Variants in CEP70 observed in about 807,000 individuals in gnomAD.
CEP70 encodes centrosomal protein 70.
In CEP70, 70 loss-of-function variants were observed where a neutral mutation model predicts 90.9. The ratio of observed to expected loss-of-function variants is 0.77; its 90% CI spans 0.64 to 0.94. The LOEUF is 0.94. CEP70 is among the 40% of genes least tolerant of loss of function. CEP70 has a pLI of 0.00. For missense variants in CEP70, 648 were observed against 669.0 expected (o/e 0.97, Z 0.35); for synonymous variants, 220 against 228.3 (o/e 0.96, Z 0.33).
intron 8 of CEP70, among the ~76,000 whole-genome samples, chr3:138,529,784 G>A (rs931585568): frequency 3.9e-5 from 6 of 152,078 alleles, no homozygotes; most frequent in Non-Finnish European, 8.8e-5. Flanking sequence ...ATAAACAAAC[G>A]AAACATAGGT....
At chr3:138,510,566 G>A (rs887462373) in intron 11 of CEP70, among the ~76,000 whole-genome samples, 6 of 152,174 alleles carry the variant, frequency 3.9e-5, no homozygotes, top group African/African-American at 1.4e-4. Flanking sequence ...TGACATGATG[G>A]AGTTTTACTA....
intron 11 of CEP70, among the ~76,000 whole-genome samples, chr3:138,521,985 C>G (rs1307914216): frequency 6.6e-6 from 1 of 152,124 alleles, no homozygotes; most frequent in African/African-American, 2.4e-5. Context: ...TAACCTTACC[C>G]CCAACCCCTT....
intron 6 of CEP70, among the ~76,000 whole-genome samples, chr3:138,551,406 C>T (rs936958746): frequency 5.9e-5 from 9 of 152,078 alleles, no homozygotes; most frequent in African/African-American, 1.7e-4. Context: ...AAAACAGAAC[C>T]TTTTCAAAGC....
chr3:138,568,221 C>T (rs568909655), intron 6 of CEP70, among the ~76,000 whole-genome samples: 18 of 152,232 alleles, frequency 1.2e-4, no homozygotes, highest in Admixed American at 9.8e-4. Flanking sequence ...GAACAAAGAG[C>T]TAAAGGCACG....
chr3:138,530,772 TTACAGTAC>T, intron 8 of CEP70: 13 of 985,402 alleles, frequency 1.3e-5, no homozygotes, highest in Non-Finnish European at 1.6e-5. Context: ...CATCCTCCTG[TTACAGTAC>T]TCCTACTTCT....
chr3:138,572,963 G>A, intron 2 of CEP70, 31 bp from the exon 3 acceptor site: 2 of 1,527,682 alleles, frequency 1.3e-6, no homozygotes, highest in Non-Finnish European at 1.8e-6. Context: ...ACAGAAATTG[G>A]CAATTAAAAA....
At chr3:138,549,834 G>A (rs2107936664) in intron 6 of CEP70, among the ~76,000 whole-genome samples, 1 of 152,242 alleles carries the variant, frequency 6.6e-6, no homozygotes, top group East Asian at 1.9e-4. Flanking sequence ...ACTTCCACCA[G>A]AGCAGGTGCT....
chr3:138,573,924 G>A (rs554910540), intron 2 of CEP70, among the ~76,000 whole-genome samples: 5 of 152,216 alleles, frequency 3.3e-5, no homozygotes, highest in African/African-American at 1.2e-4. Flanking sequence ...ACTAGTAAAG[G>A]GGAAAAACAA....
chr3:138,529,012 T>A (rs6771237), intron 10 of CEP70, among the ~76,000 whole-genome samples, 187 bp downstream of exon 10: 82,997 of 151,522 alleles, frequency 0.55, 24,453 homozygotes, highest in African/African-American at 0.77. Context: ...AAATAATTTT[T>A]AAAATTAGCT....
intron 6 of CEP70, among the ~76,000 whole-genome samples, chr3:138,546,654 C>A (rs977393183): frequency 2.5e-4 from 38 of 152,120 alleles, no homozygotes; most frequent in Admixed American, 2.4e-3. Context: ...GAGGCTGAGG[C>A]ACAAGAATTG....
chr3:138,593,175 T>C (rs1298443724), intron 1 of CEP70: 1 of 152,220 alleles, frequency 6.6e-6, no homozygotes, highest in Non-Finnish European at 1.5e-5. Context: ...ACAAAACTCA[T>C]GCAGAGGCTT....
At chr3:138,572,983 G>T in intron 2 of CEP70, 51 bp from the exon 3 acceptor site, 1 of 1,310,226 alleles carries the variant, frequency 7.6e-7, no homozygotes, top group Non-Finnish European at 1.1e-6. Flanking sequence ...AATTTGAGTT[G>T]CCTAAATGAA....
chr3:138,501,737 G>C (rs144169660), intron 13 of CEP70, among the ~76,000 whole-genome samples: 1 of 152,254 alleles, frequency 6.6e-6, no homozygotes, highest in East Asian at 1.9e-4. Context: ...AATGGGCAAG[G>C]CTACTGAAAG....
At position 138,571,311 on chromosome 3, in the gene CEP70, GCAT is replaced by G; in HGVS notation, c.112_114del (p.Met38del). ...ACTAGAGACAAAGGTTTTAAGCCAT[GCAT>G]CATCAATAGCACATTTATGCTTTCC... is the stretch of plus-strand genomic sequence containing the variant. On this transcript the variant is annotated inframe_deletion, in exon 4 of 18. Coordinates refer to ENST00000264982, the MANE Select transcript of CEP70 (RefSeq NM_024491.4). 6.2e-7 allele frequency: 1 copy of G among 1,611,634 alleles called. No homozygotes were observed. Among genetic ancestry groups the G allele is most frequent in the South Asian group, 1.1e-5 (1 of 90,806 alleles).
intron 11 of CEP70, among the ~76,000 whole-genome samples, chr3:138,515,579 CAT>C (rs746401840): frequency 3.5e-4 from 52 of 149,788 alleles, no homozygotes; most frequent in South Asian, 1.3e-3. Context: ...GAAAACTAAA[CAT>C]GTGTGTGTTG....
At chr3:138,577,883 A>G (rs1237201664) in intron 2 of CEP70, among the ~76,000 whole-genome samples, 1 of 152,246 alleles carries the variant, frequency 6.6e-6, no homozygotes, top group Non-Finnish European at 1.5e-5. Flanking sequence ...AAAGCCACTT[A>G]AAATAAAAAC....
intron 11 of CEP70, among the ~76,000 whole-genome samples, chr3:138,522,030 A>C (rs1351301883): frequency 6.6e-6 from 1 of 152,220 alleles, no homozygotes; most frequent in Non-Finnish European, 1.5e-5. Context: ...CTCAGGGTTA[A>C]ATGGATTAAG....
chr3:138,550,643 A>G (rs1427180451), intron 6 of CEP70, among the ~76,000 whole-genome samples: 2 of 152,232 alleles, frequency 1.3e-5, no homozygotes, highest in Admixed American at 6.5e-5. Context: ...GATTACAGGC[A>G]TGAGCCACCA....
intron 6 of CEP70, among the ~76,000 whole-genome samples, chr3:138,550,196 T>G (rs181197240): frequency 3.3e-5 from 5 of 152,128 alleles, no homozygotes; most frequent in Admixed American, 3.3e-4. Flanking sequence ...CAGCAATGGA[T>G]CCAAACCAAG....
Sources: gnomAD v4.1 joint callset for allele counts (sites outside exome capture counted in the v4.1 genomes callset) on GRCh38, gnomAD v4.1.1 for gene constraint, MANE v1.5 for transcripts, NCBI Gene and HGNC (gene_info 2026-07-23, HGNC 2026-07-21) for gene names.